Variants in KLF4 observed in about 807,000 individuals in gnomAD.
KLF4 encodes the protein Krueppel-like factor 4.
KLF4 carries 14 observed loss-of-function variants against 38.0 expected under a neutral mutation model. The ratio of observed to expected loss-of-function variants is 0.37; its 90% CI spans 0.24 to 0.58. KLF4 has a LOEUF of 0.58. Among genes scored for constraint, KLF4 ranks in the 20% least tolerant of loss-of-function variants. The probability of loss-of-function intolerance (pLI) is 0.76; values close to 1 mark genes in which losing one functional copy is unlikely to be tolerated. For missense variants in KLF4, 737 were observed against 670.1 expected (o/e 1.10, Z -1.10); for synonymous variants, 398 against 302.5 (o/e 1.32, Z -3.28).
Position 107,485,725 on chromosome 9 carries a change from T to C in KLF4, c.*26A>G, listed in dbSNP as rs1564293357. The C allele has an allele frequency of 1.3e-6, 2 of 1,540,974 alleles. No individual in the cohort carries two copies. The highest frequency in any genetic ancestry group is 1.7e-6 in the Non-Finnish European group (2 of 1,147,384). On this transcript the variant is annotated 3_prime_UTR_variant, in exon 5 of 5. Coordinates refer to ENST00000374672, the MANE Select transcript of KLF4 (RefSeq NM_004235.6). This position sits in a 1 kb window ranked among gnomAD's most constrained non-coding sequence, Gnocchi z 4.9. ...AAAATACTGAATTCTCTTCTGGCAG[T>C]GTGGGTCATATCCACTGTCTGGGAT...
In KLF4 at chr9:107,488,566, G is replaced by A. The variant is rs1327628641; in HGVS notation, c.127-299C>T. The A allele has an allele frequency of 1.0e-5, 5 of 498,434 alleles. No homozygotes were observed. The Middle Eastern group carries it at 1.6e-3, about 158-fold the overall frequency. 30.9% of individuals were successfully genotyped at this position (498,434 alleles called of 1,614,324 possible). A position where few individuals can be genotyped will look rare whatever the true frequency, so the allele number is the denominator to read the frequency against. On this transcript the variant is annotated intron_variant, in intron 2 of 4. Transcript: ENST00000374672. The surrounding 1 kb of genome is among the most constrained non-coding windows in gnomAD (Gnocchi z 5.7). ...TGGACGTCCCCGGAATTGGCACACC[G>A]AGGCTCTCTCGGTGCGCTCTCGCCA...
In KLF4 at chr9:107,487,667, C is replaced by T. The variant is rs376677947; in HGVS notation, c.727G>A (p.Gly243Ser). 1.4e-5 allele frequency: 22 copies of T among 1,591,812 alleles called. No individual in the cohort carries two copies. Among genetic ancestry groups the T allele is most frequent in the Non-Finnish European group, 1.9e-5 (22 of 1,166,974 alleles). The change falls in exon 3 of 5, where the codon GGC becomes AGC. Residue 243 changes from glycine (G) to serine (S), a missense_variant. Physicochemically the swap from Gly to Ser is moderately conservative, Grantham distance 56. This residue lies in a region of KLF4 where 695 missense variants were observed against 554.5 expected (regional missense o/e 1.25). Transcript: ENST00000374672. The surrounding 1 kb of genome is among the most constrained non-coding windows in gnomAD (Gnocchi z 6.1). ...CTGACGCTGATGACCGACGGGCTGC[C>T]GTACTCGCTGCCAGGGGCGCTCAGC... The part of the protein sequence containing the change: ...ASLSAPGSEY[G>S]SPSVISVSKG...
rs1415155743 is a variant in KLF4 at position 107,487,497 on chromosome 9, C to T, written c.897G>A (p.Arg299=). The T allele has an allele frequency of 6.5e-6, 10 of 1,542,540 alleles. No individual in the cohort carries two copies. Among genetic ancestry groups the T allele is most frequent in the Non-Finnish European group, 7.9e-6 (9 of 1,146,274 alleles). The change falls in exon 3 of 5, where the codon CGG becomes CGA. Residue 299 remains arginine (R), a synonymous_variant. Transcript: ENST00000374672. The surrounding 1 kb of genome is among the most constrained non-coding windows in gnomAD (Gnocchi z 6.1). ...CCAGGGGGAAGTCGTGTGCAGCCGG[C>T]CGGTGGCCATTGCTGAGAGGGGGTC... ...GAGPPLSNGH[R]PAAHDFPLGR...
rs61749200 is a variant in KLF4 at position 107,487,703 on chromosome 9, G to A, written c.691C>T (p.Leu231=). The A allele has an allele frequency of 1.5e-4, 247 of 1,604,810 alleles. 3 individuals are homozygous for A. In the Middle Eastern group the frequency reaches 8.6e-3, roughly 56 times the overall value. Residue 231 remains leucine, a synonymous_variant, in exon 3 of 5, where the codon CTG becomes TTG. Coordinates refer to ENST00000374672, the MANE Select transcript of KLF4 (RefSeq NM_004235.6). This position sits in a 1 kb window ranked among gnomAD's most constrained non-coding sequence, Gnocchi z 6.1. ...CCAGGGGCGCTCAGCGACGCCTTCAGCACGAACTTGCCCATCAGCCCGCCA... is the reference window on the plus strand; with the variant it reads ...CCAGGGGCGCTCAGCGACGCCTTCAACACGAACTTGCCCATCAGCCCGCCA... ...PGGGLMGKFV[L]KASLSAPGSE...
chr9:107,488,279 G>GGGC lies in KLF4; in HGVS notation c.127-15_127-13dup. ...TCCTCCCGCCAGCGCTGCGGGGACA[G>GGGC]GGCGGGAGAGACCTGTCAGTGGTGG... On this transcript the variant is annotated splice_polypyrimidine_tract_variant and intron_variant, in intron 2 of 4. Transcript: ENST00000374672. This position sits in a 1 kb window ranked among gnomAD's most constrained non-coding sequence, Gnocchi z 5.7. 6.3e-7 allele frequency: 1 copy of GGGC among 1,583,508 alleles called. No individual in the cohort carries two copies. The highest frequency in any genetic ancestry group is 8.6e-7 in the Non-Finnish European group (1 of 1,167,600).
Position 107,487,950 on chromosome 9 carries a change from G to A in KLF4, c.444C>T (p.Cys148=), listed in dbSNP as rs766510592. 1.9e-6 allele frequency: 3 copies of A among 1,583,676 alleles called. No homozygotes were observed. The highest frequency in any genetic ancestry group is 1.1e-5 in the South Asian group (1 of 87,636). Residue 148 remains cysteine (C), a synonymous_variant, in exon 3 of 5, where the codon TGC becomes TGT. Coordinates refer to ENST00000374672, the MANE Select transcript of KLF4 (RefSeq NM_004235.6). This position sits in a 1 kb window ranked among gnomAD's most constrained non-coding sequence, Gnocchi z 6.1. ...CGGCCCGGATCGGATAGGTGAAGCTGCAGGTGGAGGGCGCGCTGGCAGGGC... is the reference window on the plus strand; with the variant it reads ...CGGCCCGGATCGGATAGGTGAAGCTACAGGTGGAGGGCGCGCTGGCAGGGC... ...SSGPASAPST[C]SFTYPIRAGN... is the part of the protein sequence containing the mutation.
chr9:107,485,060 T>C lies in KLF4; in HGVS notation c.*691A>G, dbSNP rs1829036834. On this transcript the variant is annotated 3_prime_UTR_variant, in exon 5 of 5. Coordinates refer to ENST00000374672, the MANE Select transcript of KLF4 (RefSeq NM_004235.6). The surrounding 1 kb of genome is among the most constrained non-coding windows in gnomAD (Gnocchi z 4.9). ...TTAAGGCATACTTGGGAATAAACCA[T>C]TGTACAAATTATTGCACATCTGAAA... 2.5e-5 allele frequency: 5 copies of C among 202,686 alleles called. No individual in the cohort carries two copies. The highest frequency in any genetic ancestry group is 2.3e-4 in the East Asian group (3 of 13,078). The allele number at this position is 202,686 out of a possible 1,614,324, so 12.6% of individuals were successfully genotyped here.
chr9:107,486,196 A>C (rs760664379), intron 4 of KLF4, among the ~76,000 whole-genome samples: 4 of 152,116 alleles, frequency 2.6e-5, no homozygotes, highest in African/African-American at 4.8e-5. Context: ...AAACACACAA[A>C]CACCACCTAA....
In KLF4 at chr9:107,487,635, G is replaced by C. The variant is rs765058353; in HGVS notation, c.759C>G (p.Gly253=). The change falls in exon 3 of 5, where the codon GGC becomes GGG. Residue 253 remains glycine, a synonymous_variant. Coordinates refer to ENST00000374672, the MANE Select transcript of KLF4 (RefSeq NM_004235.6). The surrounding 1 kb of genome is among the most constrained non-coding windows in gnomAD (Gnocchi z 6.1). ...CCACCGGGTGGCTGCCGTCAGGGCTGCCTTTGCTGACGCTGATGACCGACG... is the reference window on the plus strand; with the variant it reads ...CCACCGGGTGGCTGCCGTCAGGGCTCCCTTTGCTGACGCTGATGACCGACG... ...GSPSVISVSK[G]SPDGSHPVVV... 3 of 1,590,288 alleles carry C rather than the reference G, an allele frequency of 1.9e-6. No individual in the cohort carries two copies. The highest frequency in any genetic ancestry group is 2.6e-6 in the Non-Finnish European group (3 of 1,167,018).
Position 107,488,075 on chromosome 9 carries a change from A to C in KLF4, c.319T>G (p.Phe107Val). 6.2e-7 allele frequency: 1 copy of C among 1,613,174 alleles called. No individual in the cohort carries two copies. The highest frequency in any genetic ancestry group is 8.5e-7 in the Non-Finnish European group (1 of 1,179,914). ...EEFNDLLDLD[F>V]ILSNSLTHPP... Reference sequence around the variant, plus strand: ...TGGGTCAGCGAATTGGAGAGAATAAAGTCCAGGTCCAGGAGATCGTTGAAC... The same window carrying C: ...TGGGTCAGCGAATTGGAGAGAATAACGTCCAGGTCCAGGAGATCGTTGAAC... The change falls in exon 3 of 5, where the codon TTT (phenylalanine) becomes GTT (valine). Residue 107 changes from phenylalanine to valine, a missense_variant. Physicochemically the swap from Phe to Val is conservative, Grantham distance 50. This residue lies in a region of KLF4 where 695 missense variants were observed against 554.5 expected (regional missense o/e 1.25). Coordinates refer to ENST00000374672, the MANE Select transcript of KLF4 (RefSeq NM_004235.6). This position sits in a 1 kb window ranked among gnomAD's most constrained non-coding sequence, Gnocchi z 5.7.
chr9:107,487,722 C>T lies in KLF4; in HGVS notation c.672G>A (p.Gly224=). The change falls in exon 3 of 5, where the codon GGG becomes GGA. Residue 224 remains glycine (G), a synonymous_variant. Transcript: ENST00000374672. This position sits in a 1 kb window ranked among gnomAD's most constrained non-coding sequence, Gnocchi z 6.1. ...PPQQPQPPGG[G]LMGKFVLKAS... ...CCTTCAGCACGAACTTGCCCATCAG[C>T]CCGCCACCTGGCGGCTGCGGCTGCT... 1 of 1,598,482 alleles carries T rather than the reference C, an allele frequency of 6.3e-7. No homozygotes were observed. Among genetic ancestry groups the T allele is most frequent in the Non-Finnish European group, 8.5e-7 (1 of 1,173,644 alleles).
Position 107,488,573 on chromosome 9 carries a change from T to G in KLF4, c.127-306A>C. The G allele has an allele frequency of 2.0e-6, 1 of 492,112 alleles. No homozygotes were observed. The highest frequency in any genetic ancestry group is 3.6e-6 in the Non-Finnish European group (1 of 279,866). 30.5% of individuals were successfully genotyped at this position (492,112 alleles called of 1,614,324 possible). ...CCCCGGAATTGGCACACCGAGGCTC[T>G]CTCGGTGCGCTCTCGCCACGGGGCC... On this transcript the variant is annotated intron_variant, in intron 2 of 4. Coordinates refer to ENST00000374672, the MANE Select transcript of KLF4 (RefSeq NM_004235.6). This position sits in a 1 kb window ranked among gnomAD's most constrained non-coding sequence, Gnocchi z 5.7.
rs762644117 is a variant in KLF4, at chr9:107,487,123, C to T, written c.1169G>A (p.Arg390Gln). The change falls in exon 4 of 5, where the codon CGG becomes CAG. Residue 390 changes from arginine (R) to glutamine (Q), a missense_variant. Transcript: ENST00000374672. This position sits in a 1 kb window ranked among gnomAD's most constrained non-coding sequence, Gnocchi z 6.1. ...KPKRGRRSWP[R>Q]KRTATHTCDY... ...ACAAGTGTGGGTGGCGGTCCTTTTC[C>T]GGGGCCACGATCGTCTTCCCCTCTT... 5 of 1,614,152 alleles carry T rather than the reference C, an allele frequency of 3.1e-6. No individual in the cohort carries two copies. The highest frequency in any genetic ancestry group is 3.3e-5 in the Admixed American group (2 of 60,024).
rs1237090757 is a variant in KLF4, at chr9:107,485,598, TG to T, written c.*152del. On this transcript the variant is annotated 3_prime_UTR_variant, in exon 5 of 5. Transcript: ENST00000374672. This position sits in a 1 kb window ranked among gnomAD's most constrained non-coding sequence, Gnocchi z 4.9. ...TGTCTTTTGGATTCCTCATTTTTCC[TG>T]ATTATCCACTCACAAGATGACTCAG... 3 of 692,744 alleles carry T rather than the reference TG, an allele frequency of 4.3e-6. No individual in the cohort carries two copies. Among genetic ancestry groups the T allele is most frequent in the Admixed American group, 3.1e-5 (1 of 32,264 alleles). The allele number at this position is 692,744 out of a possible 1,614,324, so 42.9% of individuals were successfully genotyped here. A position where few individuals can be genotyped will look rare whatever the true frequency, so the allele number is the denominator to read the frequency against.
At position 107,485,606 on chromosome 9, in the gene KLF4, C is replaced by CA. The variant is rs1483907305; in HGVS notation, c.*144dup. 9 of 720,264 alleles carry CA rather than the reference C, an allele frequency of 1.2e-5. No homozygotes were observed. Among genetic ancestry groups the CA allele is most frequent in the Admixed American group, 1.2e-4 (4 of 32,596 alleles). 44.6% of individuals were successfully genotyped at this position (720,264 alleles called of 1,614,324 possible). A position where few individuals can be genotyped will look rare whatever the true frequency, so the allele number is the denominator to read the frequency against. ...GGATTCCTCATTTTTCCTGATTATC[C>CA]ACTCACAAGATGACTCAGTTGGGAA... On this transcript the variant is annotated 3_prime_UTR_variant, in exon 5 of 5. Coordinates refer to ENST00000374672, the MANE Select transcript of KLF4 (RefSeq NM_004235.6). The surrounding 1 kb of genome is among the most constrained non-coding windows in gnomAD (Gnocchi z 4.9).
Position 107,488,993 on chromosome 9 carries a change from G to T in KLF4, c.63C>A (p.Ser21=). 1 of 1,568,150 alleles carries T rather than the reference G, an allele frequency of 6.4e-7. No individual in the cohort carries two copies. Among genetic ancestry groups the T allele is most frequent in the Admixed American group, 1.9e-5 (1 of 53,474 alleles). ...AVSDALLPSF[S]TFASGPAGRE... is the part of the protein sequence containing the mutation. ...TTCCCGCCGGGCCAGACGCGAACGT[G>T]GAGAAAGATGGGAGCAGCGCGTCGC... Residue 21 remains serine, a synonymous_variant, in exon 2 of 5, where the codon TCC becomes TCA. Transcript: ENST00000374672. This position sits in a 1 kb window ranked among gnomAD's most constrained non-coding sequence, Gnocchi z 5.7.
chr9:107,488,830 C>A lies in KLF4; in HGVS notation c.126+100G>T. 1.4e-6 allele frequency: 2 copies of A among 1,460,754 alleles called. No homozygotes were observed. Among genetic ancestry groups the A allele is most frequent in the South Asian group, 1.4e-5 (1 of 73,820 alleles). 90.5% of individuals were successfully genotyped at this position (1,460,754 alleles called of 1,614,324 possible). A position where few individuals can be genotyped will look rare whatever the true frequency, so the allele number is the denominator to read the frequency against. On this transcript the variant is annotated intron_variant, in intron 2 of 4. Coordinates refer to ENST00000374672, the MANE Select transcript of KLF4 (RefSeq NM_004235.6). The surrounding 1 kb of genome is among the most constrained non-coding windows in gnomAD (Gnocchi z 5.7). ...GAGTCCGCGCGGTGGCCGCTCCTTA[C>A]CCTCGTTCAGTGGCTCTTGGTGACC... is the stretch of plus-strand genomic sequence containing the variant.
Position 107,488,982 on chromosome 9 carries a change from G to A in KLF4, c.74C>T (p.Ser25Phe). 6.4e-7 allele frequency: 1 copy of A among 1,569,948 alleles called. No homozygotes were observed. The highest frequency in any genetic ancestry group is 8.6e-7 in the Non-Finnish European group (1 of 1,157,050). ...ALLPSFSTFA[S>F]GPAGREKTLR... ...TGTCTTCTCCCTTCCCGCCGGGCCAGACGCGAACGTGGAGAAAGATGGGAG... is the reference window on the plus strand; with the variant it reads ...TGTCTTCTCCCTTCCCGCCGGGCCAAACGCGAACGTGGAGAAAGATGGGAG... The change falls in exon 2 of 5, where the codon TCT (serine) becomes TTT (phenylalanine). Residue 25 changes from serine (S) to phenylalanine (F), a missense_variant. By Grantham distance (155) the Ser-to-Phe change is radical. Around this residue, in one of 2 missense-constraint regions of KLF4, gnomAD observed 695 missense variants for 554.5 expected, o/e 1.25. Transcript: ENST00000374672. This position sits in a 1 kb window ranked among gnomAD's most constrained non-coding sequence, Gnocchi z 5.7.
At position 107,485,821 on chromosome 9, in the gene KLF4, T is replaced by G; in HGVS notation, c.1370A>C (p.Gln457Pro). 6.2e-7 allele frequency: 1 copy of G among 1,609,948 alleles called. No individual in the cohort carries two copies. The highest frequency in any genetic ancestry group is 8.5e-7 in the Non-Finnish European group (1 of 1,178,682). The change falls in exon 5 of 5, where the codon CAG becomes CCG. Residue 457 changes from glutamine to proline, a missense_variant. Coordinates refer to ENST00000374672, the MANE Select transcript of KLF4 (RefSeq NM_004235.6). The surrounding 1 kb of genome is among the most constrained non-coding windows in gnomAD (Gnocchi z 4.9). ...YRKHTGHRPFQCQKCDRAFSR... is the reference protein window; with the variant it reads ...YRKHTGHRPFPCQKCDRAFSR... ...AAATGCTCGGTCGCATTTTTGGCAC[T>G]GGAACGGGCGGTGCCCCGTGTGTTT...
Sources: allele counts gnomAD v4.1 joint callset (sites outside exome capture counted in the v4.1 genomes callset), GRCh38; gene constraint gnomAD v4.1.1; regional missense constraint gnomAD v4.1.1; non-coding constraint Gnocchi (gnomAD v3.1); transcripts MANE v1.5; gene names NCBI Gene and HGNC (gene_info 2026-07-23, HGNC 2026-07-21).